The following CUX1 variants were observed in gnomAD, a reference collection of about 807,000 sequenced individuals.
CUX1 encodes the protein cut like homeobox 1, also known as protein CASP.
In CUX1, 31 loss-of-function variants were observed where a neutral mutation model predicts 158.8. The observed-to-expected ratio is 0.20, with a 90% CI of 0.15 to 0.26. CUX1 has a LOEUF of 0.26. Ranked by LOEUF, CUX1 falls within the 10% of genes least tolerant of loss-of-function variation. The pLI, the probability that CUX1 is intolerant of heterozygous loss-of-function variation, is 1.00. For synonymous variants in CUX1, 879 were observed against 862.1 expected, an observed-to-expected ratio of 1.02 and a Z score of -0.34; for missense variants, 1,589 against 2,014.6, an observed-to-expected ratio of 0.79 and a Z score of 4.04.
intron 8 of CUX1, among the ~76,000 whole-genome samples, chr7:102,150,361 A>T (rs1233446054): frequency 1.3e-5 from 2 of 152,116 alleles, no homozygotes; most frequent in Non-Finnish European, 2.9e-5. Context: ...TCATCATGTT[A>T]GCCAGGCTGG....
At chr7:101,821,806 C>T (rs1421723797) in intron 1 of CUX1, among the ~76,000 whole-genome samples, 1 of 144,216 alleles carries the variant, frequency 6.9e-6, no homozygotes. Context: ...TCCCGAGTAG[C>T]TGGGACGATA....
chr7:101,990,638 A>G (rs1003426294), intron 2 of CUX1, among the ~76,000 whole-genome samples: 6 of 151,768 alleles, frequency 4.0e-5, no homozygotes, highest in Admixed American at 1.3e-4. Context: ...CGGCCTCCCA[A>G]AGTGCTGGGA....
In CUX1 at chr7:101,984,090, A is replaced by AAT. The variant is rs1563091502; in HGVS notation, c.142-44008_142-44007insAT. On this transcript the variant is annotated intron_variant, in intron 2 of 23. Coordinates refer to ENST00000292535, the MANE Select transcript of CUX1 (RefSeq NM_181552.4). ...TCTGTCCCCCCCCAAAAAAAAAAAA[A>AAT]TATATATATATATATATATATATAT... 4.9e-4 allele frequency among the ~76,000 whole-genome samples: 17 copies of AAT among 34,982 alleles called. 1 individual carries two copies. Among genetic ancestry groups the AAT allele is most frequent in the Non-Finnish European group, 7.0e-4 (14 of 19,872 alleles). 22.9% of individuals were successfully genotyped at this position (34,982 alleles called of 152,430 possible).
chr7:102,201,366 C>T lies in CUX1; in HGVS notation c.2069C>T (p.Pro690Leu), dbSNP rs782397287. ...RELQVQKTAE[P>L]AQPSSASGSG... The stretch of plus-strand genomic sequence containing the variant: ...CCCCTGTTTCTCCATGCAGCAGAGC[C>T]GGCCCAGCCTTCCTCCGCATCCGGC... The change falls in exon 18 of 24, where the codon CCG becomes CTG. Residue 690 changes from proline to leucine, a missense_variant. Coordinates refer to ENST00000292535, the MANE Select transcript of CUX1 (RefSeq NM_181552.4). The surrounding 1 kb of genome is among the most constrained non-coding windows in gnomAD (Gnocchi z 5.0). The T allele has an allele frequency of 7.4e-6, 12 of 1,612,740 alleles. No individual in the cohort carries two copies. The Admixed American group carries it at 8.3e-5, about 11-fold the overall frequency.
intron 3 of CUX1, among the ~76,000 whole-genome samples, chr7:102,039,880 A>G (rs1269691209): frequency 2.0e-5 from 3 of 152,170 alleles, no homozygotes; most frequent in African/African-American, 7.2e-5. Context: ...ATTTCATCAC[A>G]GTATCACCTG....
intron 3 of CUX1, among the ~76,000 whole-genome samples, chr7:102,044,959 G>GT (rs1822562362): frequency 6.6e-6 from 1 of 152,200 alleles, no homozygotes; most frequent in Non-Finnish European, 1.5e-5. Context: ...TTCTCAGCCA[G>GT]TATGTCTGTC....
At chr7:101,954,404 A>G (rs1809498789) in intron 2 of CUX1, among the ~76,000 whole-genome samples, 1 of 152,236 alleles carries the variant, frequency 6.6e-6, no homozygotes, top group South Asian at 2.1e-4. Context: ...AGCCACTGTG[A>G]TTATTCTATT....
At chr7:102,087,760 A>G (rs1161014231) in intron 4 of CUX1, among the ~76,000 whole-genome samples, 1 of 152,086 alleles carries the variant, frequency 6.6e-6, no homozygotes, top group Non-Finnish European at 1.5e-5. Context: ...CATGGTTACT[A>G]TTTTTTCTTT....
chr7:102,021,456 C>T (rs62465573), intron 2 of CUX1, among the ~76,000 whole-genome samples: 40,436 of 151,890 alleles, frequency 0.27, 5,793 homozygotes, highest in Non-Finnish European at 0.31. Context: ...TACAAGCCTG[C>T]ACCACCATAC....
At chr7:101,911,228 G>A (rs1318727867) in intron 1 of CUX1, among the ~76,000 whole-genome samples, 1 of 152,276 alleles carries the variant, frequency 6.6e-6, no homozygotes, top group Admixed American at 6.5e-5. Context: ...CTGAGCCTTG[G>A]CTTTGGCCCT....
intron 2 of CUX1, among the ~76,000 whole-genome samples, chr7:101,935,759 G>A (rs976950129): frequency 2.0e-5 from 3 of 152,224 alleles, no homozygotes; most frequent in Non-Finnish European, 2.9e-5. Flanking sequence ...GACAGCACAC[G>A]ATGCTGGGGC....
At chr7:102,194,352 A>G (rs1226842496) in intron 13 of CUX1, among the ~76,000 whole-genome samples, 4 of 152,082 alleles carry the variant, frequency 2.6e-5, no homozygotes, top group Non-Finnish European at 5.9e-5. Flanking sequence ...TAATCCCAGC[A>G]CTTTGGGAGG....
chr7:101,959,880 T>C (rs1810258223), intron 2 of CUX1, among the ~76,000 whole-genome samples: 1 of 152,174 alleles, frequency 6.6e-6, no homozygotes, highest in Non-Finnish European at 1.5e-5. Context: ...TTTGACTCTT[T>C]ATAGGGTAAT....
chr7:101,894,912 G>A (rs550455416), intron 1 of CUX1, among the ~76,000 whole-genome samples: 5 of 152,216 alleles, frequency 3.3e-5, no homozygotes, highest in Non-Finnish European at 7.4e-5. Context: ...TTCTTCCCTA[G>A]GTATGATTGA....
chr7:101,845,552 A>G (rs996373570), intron 1 of CUX1, among the ~76,000 whole-genome samples: 2 of 152,138 alleles, frequency 1.3e-5, no homozygotes, highest in African/African-American at 4.8e-5. Flanking sequence ...TGGGGAGGGA[A>G]TAGAGGAGGA....
At chr7:101,936,710 C>T (rs753593401) in intron 2 of CUX1, among the ~76,000 whole-genome samples, 37 of 152,240 alleles carry the variant, frequency 2.4e-4, no homozygotes, top group Non-Finnish European at 4.3e-4. Flanking sequence ...ACTGCCCAGG[C>T]GCCAGCCCTG....
chr7:102,191,713 GTCT>G (rs1196551747), intron 12 of CUX1, among the ~76,000 whole-genome samples: 34 of 152,158 alleles, frequency 2.2e-4, no homozygotes, highest in African/African-American at 6.7e-4. Flanking sequence ...CGTCTTCGTT[GTCT>G]TCTTCTTTCT....
downstream of CUX1, among the ~76,000 whole-genome samples, chr7:102,259,545 G>C (rs1725572): frequency 6.6e-6 from 1 of 151,998 alleles, no homozygotes; most frequent in Non-Finnish European, 1.5e-5. Context: ...CCGAGATTGT[G>C]CCACTGCACT....
intron 2 of CUX1, among the ~76,000 whole-genome samples, chr7:102,014,136 G>C (rs985655659): frequency 2.0e-5 from 3 of 152,188 alleles, no homozygotes; most frequent in African/African-American, 4.8e-5. Flanking sequence ...GTCTATCTCT[G>C]TTCAGGTCCC....
Sources: allele counts gnomAD v4.1 joint callset (sites outside exome capture counted in the v4.1 genomes callset), GRCh38; gene constraint gnomAD v4.1.1; non-coding constraint Gnocchi (gnomAD v3.1); transcripts MANE v1.5; gene names NCBI Gene and HGNC (gene_info 2026-07-23, HGNC 2026-07-21).